Variants in SPAG16 observed in about 807,000 individuals in gnomAD.
SPAG16 encodes the protein sperm-associated antigen 16 protein.
A neutral mutation model predicts 80.4 loss-of-function variants in SPAG16; 86 were observed. That is an observed-to-expected ratio of 1.07 (90% CI 0.90 to 1.28). The LOEUF is 1.28. Among genes scored for constraint, SPAG16 ranks in the 50% most tolerant of loss-of-function variants. SPAG16 has a pLI of 0.00. For missense variants in SPAG16, 870 were observed against 765.3 expected (o/e 1.14, Z -1.61); for synonymous variants, 294 against 265.9 (o/e 1.11, Z -1.03).
Position 213,531,948 on chromosome 2 carries a change from C to T in SPAG16, c.1070+41858C>T, listed in dbSNP as rs182533761. ...TGTATCTTGTATATGTACAGAGTTA[C>T]GTTTTTTAGATTTTGATACAAACAC... On this transcript the variant is annotated intron_variant, in intron 10 of 15. Transcript: ENST00000331683. 9.9e-5 allele frequency among the ~76,000 whole-genome samples: 15 copies of T among 152,180 alleles called. 1 individual carries two copies. The highest frequency in any genetic ancestry group is 3.4e-4 in the African/African-American group (14 of 41,534).
At chr2:213,380,857 T>C (rs911315626) in intron 9 of SPAG16, among the ~76,000 whole-genome samples, 1 of 152,198 alleles carries the variant, frequency 6.6e-6, no homozygotes, top group African/African-American at 2.4e-5. Context: ...TCTCCTGTTC[T>C]GGACCTCACT....
rs1459406920 is a variant in SPAG16, at chr2:213,340,162, G to A, written c.537-1G>A. On this transcript the variant is annotated splice_acceptor_variant, in intron 5 of 15. Transcript: ENST00000331683. LOFTEE classifies it high-confidence loss of function. ...TTATAAAGTTACTATTTTTTTTTCA[G>A]CAAAGCTAGAGAAGATTTGCTGAAA... 1.3e-6 allele frequency: 2 copies of A among 1,589,638 alleles called. No homozygotes were observed.
At chr2:214,314,855 T>C (rs1695571564) in intron 15 of SPAG16, among the ~76,000 whole-genome samples, 1 of 151,744 alleles carries the variant, frequency 6.6e-6, no homozygotes, top group African/African-American at 2.4e-5. Context: ...GAGTAACTCA[T>C]GCATGAGGAA....
intron 1 of SPAG16, among the ~76,000 whole-genome samples, chr2:213,286,733 G>C (rs1255765467): frequency 6.6e-6 from 1 of 152,200 alleles, no homozygotes; most frequent in Non-Finnish European, 1.5e-5. Flanking sequence ...GATGCTCCTA[G>C]TACATTAGAC....
intron 15 of SPAG16, among the ~76,000 whole-genome samples, chr2:214,244,324 G>A (rs1240757050): frequency 6.6e-6 from 1 of 150,596 alleles, no homozygotes; most frequent in East Asian, 1.9e-4. Context: ...TTACTTACTA[G>A]TGTGTAACTA....
intron 12 of SPAG16, among the ~76,000 whole-genome samples, chr2:213,961,661 C>A (rs1043093206): frequency 6.8e-6 from 1 of 147,448 alleles, no homozygotes; most frequent in Non-Finnish European, 1.5e-5. Context: ...TATTATTCTT[C>A]ATTTTCTTAA....
chr2:214,101,148 A>AT (rs71037341), intron 13 of SPAG16, among the ~76,000 whole-genome samples: 18 of 151,382 alleles, frequency 1.2e-4, no homozygotes, highest in Admixed American at 3.3e-4. Flanking sequence ...GTATTACTTA[A>AT]TTTTTTTTTC....
intron 15 of SPAG16, among the ~76,000 whole-genome samples, chr2:214,295,737 G>A (rs1694085002): frequency 6.6e-6 from 1 of 152,006 alleles, no homozygotes; most frequent in South Asian, 2.1e-4. Flanking sequence ...GTTGCAGTGA[G>A]CTGAGATCAA....
At chr2:213,427,622 G>A (rs1414055610) in intron 9 of SPAG16, among the ~76,000 whole-genome samples, 1 of 152,160 alleles carries the variant, frequency 6.6e-6, no homozygotes, top group African/African-American at 2.4e-5. Flanking sequence ...ATAGGTGGAT[G>A]TGAAAGTTAA....
chr2:214,146,185 A>G (rs1453740392), intron 14 of SPAG16, among the ~76,000 whole-genome samples: 1 of 152,140 alleles, frequency 6.6e-6, no homozygotes, highest in East Asian at 1.9e-4. Context: ...TTGTAGGTAA[A>G]ATGACTTTTC....
In SPAG16 at chr2:213,833,456, A is replaced by T. The variant is rs1383684581; in HGVS notation, c.1071-29029A>T. Among the ~76,000 whole-genome samples the T allele has an allele frequency of 7.3e-4, 5 of 6,818 alleles. 2 individuals are homozygous for T. The highest frequency in any genetic ancestry group is 4.8e-3 in the Admixed American group (1 of 210). The allele number at this position is 6,818 out of a possible 152,430, so 4.5% of individuals were successfully genotyped here. ...ATGTGTGTGTGTATATATATATATT[A>T]TATATATATTATATATAATAATATA... On this transcript the variant is annotated intron_variant, in intron 10 of 15. Transcript: ENST00000331683.
chr2:213,366,615 ACC>A (rs2066304397), intron 8 of SPAG16, among the ~76,000 whole-genome samples: 2 of 152,100 alleles, frequency 1.3e-5, no homozygotes, highest in South Asian at 4.1e-4. Context: ...GCATGGGAAA[ACC>A]CGCCTCCATG....
intron 10 of SPAG16, among the ~76,000 whole-genome samples, chr2:213,592,578 C>T (rs1364388903): frequency 3.9e-5 from 6 of 152,170 alleles, no homozygotes; most frequent in African/African-American, 1.4e-4. Flanking sequence ...TCTTAACAAT[C>T]TAGTAATAGA....
chr2:213,524,190 T>C (rs1257831620), intron 10 of SPAG16, among the ~76,000 whole-genome samples: 2 of 152,180 alleles, frequency 1.3e-5, no homozygotes, highest in Non-Finnish European at 1.5e-5. Context: ...AGGCTGTGGC[T>C]TCAGAGGATT....
At chr2:213,996,260 T>C (rs892527890) in intron 12 of SPAG16, among the ~76,000 whole-genome samples, 2 of 152,136 alleles carry the variant, frequency 1.3e-5, no homozygotes, top group Admixed American at 1.3e-4. Context: ...AGGAATTAAT[T>C]CCAAAATACA....
chr2:213,575,746 C>T (rs1039403850), intron 10 of SPAG16, among the ~76,000 whole-genome samples: 1 of 151,866 alleles, frequency 6.6e-6, no homozygotes, highest in South Asian at 2.1e-4. Context: ...GTATTATTTC[C>T]ACTAGTCAAT....
At chr2:214,100,243 C>A (rs1326689285) in intron 13 of SPAG16, among the ~76,000 whole-genome samples, 1 of 151,922 alleles carries the variant, frequency 6.6e-6, no homozygotes. Flanking sequence ...AAAATTAAAC[C>A]TTTTTTCTCT....
intron 15 of SPAG16, among the ~76,000 whole-genome samples, chr2:214,310,014 T>A (rs1313054907): frequency 1.3e-5 from 2 of 152,216 alleles, no homozygotes; most frequent in African/African-American, 2.4e-5. Context: ...TTCTAATTTT[T>A]TATCTGTCAT....
chr2:213,688,570 G>C (rs754235419), intron 10 of SPAG16, among the ~76,000 whole-genome samples: 1 of 152,048 alleles, frequency 6.6e-6, no homozygotes, highest in Non-Finnish European at 1.5e-5. Context: ...CGATATATAG[G>C]GTTAAATAAA....
Sources: allele counts gnomAD v4.1 joint callset (sites outside exome capture counted in the v4.1 genomes callset), GRCh38; gene constraint gnomAD v4.1.1; transcripts MANE v1.5; gene names NCBI Gene and HGNC (gene_info 2026-07-23, HGNC 2026-07-21).